KCNQ5: variants seen among roughly 807,000 people sequenced by gnomAD.
KCNQ5 encodes the protein potassium voltage-gated channel subfamily Q member 5.
In KCNQ5, 30 loss-of-function variants were observed where a neutral mutation model predicts 98.2. The ratio of observed to expected loss-of-function variants is 0.31; its 90% CI spans 0.23 to 0.41. The LOEUF is 0.41. KCNQ5 is among the 10% of genes least tolerant of loss of function. The pLI is 1.00. For missense variants in KCNQ5, 835 were observed against 1,182.5 expected, an observed-to-expected ratio of 0.71 and a Z score of 4.31; for synonymous variants, 458 against 449.4, an observed-to-expected ratio of 1.02 and a Z score of -0.24.
chr6:72,791,358 A>G (rs1314768138), intron 1 of KCNQ5, among the ~76,000 whole-genome samples: 1 of 152,186 alleles, frequency 6.6e-6, no homozygotes, highest in East Asian at 1.9e-4. Flanking sequence ...AGAAATCAGG[A>G]TAGGTAAATT....
chr6:73,170,702 G>C (rs1237293490), intron 11 of KCNQ5, among the ~76,000 whole-genome samples: 1 of 151,950 alleles, frequency 6.6e-6, no homozygotes, highest in Non-Finnish European at 1.5e-5. Flanking sequence ...CGGAGGCTGA[G>C]GGGGGCAGAT....
intron 1 of KCNQ5, among the ~76,000 whole-genome samples, chr6:72,733,569 A>AT (rs1770663895): frequency 6.6e-6 from 1 of 152,232 alleles, no homozygotes; most frequent in African/African-American, 2.4e-5. Flanking sequence ...AAAGCCATAC[A>AT]AAGGTGAGAG....
chr6:72,917,857 T>C (rs920683102), intron 1 of KCNQ5, among the ~76,000 whole-genome samples: 5 of 152,066 alleles, frequency 3.3e-5, no homozygotes, highest in African/African-American at 1.2e-4. Flanking sequence ...CACTCCACCC[T>C]TCAAGTTACT....
At chr6:73,010,475 G>A (rs1467479680) in intron 2 of KCNQ5, among the ~76,000 whole-genome samples, 1 of 151,894 alleles carries the variant, frequency 6.6e-6, no homozygotes, top group Non-Finnish European at 1.5e-5. Context: ...GTCTGTGTTT[G>A]CCATCCCTAT....
At chr6:73,055,870 A>C in intron 3 of KCNQ5, 1 of 638,164 alleles carries the variant, frequency 1.6e-6, no homozygotes, top group South Asian at 1.5e-5. Flanking sequence ...GCCAGCAAAC[A>C]GGCACCCTCC....
At chr6:73,163,583 C>T (rs1777691377) in intron 10 of KCNQ5, among the ~76,000 whole-genome samples, 1 of 152,038 alleles carries the variant, frequency 6.6e-6, no homozygotes, top group South Asian at 2.1e-4. Flanking sequence ...CCCGTCTCTA[C>T]TAAAAATACA....
chr6:72,709,892 A>C (rs1224858322), intron 1 of KCNQ5, among the ~76,000 whole-genome samples: 1 of 152,342 alleles, frequency 6.6e-6, no homozygotes, highest in Non-Finnish European at 1.5e-5. Flanking sequence ...TGAACCCATG[A>C]ATCTTACATT....
chr6:72,897,046 A>T (rs977990257), intron 1 of KCNQ5, among the ~76,000 whole-genome samples: 1 of 152,070 alleles, frequency 6.6e-6, no homozygotes, highest in African/African-American at 2.4e-5. Flanking sequence ...TCCGAGCAAC[A>T]TGAAAAGCAA....
chr6:73,063,211 CGT>C (rs1554203529), intron 3 of KCNQ5, among the ~76,000 whole-genome samples: 2 of 152,016 alleles, frequency 1.3e-5, no homozygotes, highest in Non-Finnish European at 2.9e-5. Flanking sequence ...TTAAACAGAG[CGT>C]GTCTTATTCA....
In KCNQ5 at chr6:72,679,725, AT is replaced by A. The variant is rs573476639; in HGVS notation, c.398+57139del. Among the ~76,000 whole-genome samples the A allele has an allele frequency of 6.8e-4, 102 of 149,706 alleles. 1 individual carries two copies. The highest frequency in any genetic ancestry group is 2.4e-3 in the African/African-American group (98 of 40,706). On this transcript the variant is annotated intron_variant, in intron 1 of 13. Coordinates refer to ENST00000370398, the MANE Select transcript of KCNQ5 (RefSeq NM_019842.4). ...GCACCCTAAAACTTAAAGTATAATA[AT>A]AATAAAATAAAAATAATAAAGTATG...
At chr6:72,780,640 G>C (rs1430334519) in intron 1 of KCNQ5, among the ~76,000 whole-genome samples, 1 of 152,172 alleles carries the variant, frequency 6.6e-6, no homozygotes, top group African/African-American at 2.4e-5. Flanking sequence ...AGGAGTGGAA[G>C]ACTTGGGGGG....
chr6:72,715,509 G>A (rs1310187192), intron 1 of KCNQ5, among the ~76,000 whole-genome samples: 3 of 152,160 alleles, frequency 2.0e-5, no homozygotes, highest in Admixed American at 6.6e-5. Context: ...ACAAGATCAC[G>A]AAGCACAGGG....
intron 2 of KCNQ5, among the ~76,000 whole-genome samples, chr6:73,033,347 A>G (rs16883215): frequency 0.31 from 47,080 of 152,078 alleles, 8,217 homozygotes; most frequent in East Asian, 0.56. Context: ...TTGCCTCCCT[A>G]TGATCTTCTG....
chr6:72,954,872 G>T lies in KCNQ5; in HGVS notation c.399-49036G>T, dbSNP rs377316023. 4.5e-3 allele frequency among the ~76,000 whole-genome samples: 686 copies of T among 152,282 alleles called. 6 individuals are homozygous for T. The highest frequency in any genetic ancestry group is 0.012 in the South Asian group (57 of 4,826). On this transcript the variant is annotated intron_variant, in intron 1 of 13. Transcript: ENST00000370398. ...CTCACTGTTGAACGTGATGGAATCT[G>T]GGGGCCATGGCCCTCGTGTGTATGT...
At chr6:73,158,685 TA>T (rs66465505) in intron 10 of KCNQ5, among the ~76,000 whole-genome samples, 15,213 of 152,208 alleles carry the variant, frequency 0.1, 997 homozygotes, top group East Asian at 0.25. Flanking sequence ...AAATGAAGTA[TA>T]AATAATTTAT....
intron 11 of KCNQ5, among the ~76,000 whole-genome samples, chr6:73,179,873 G>A (rs2150513251): frequency 6.6e-6 from 1 of 152,282 alleles, no homozygotes; most frequent in South Asian, 2.1e-4. Context: ...TTAACTGTCT[G>A]CCTACTTGTC....
At position 72,931,316 on chromosome 6, in the gene KCNQ5, T is replaced by C. The variant is rs117414349; in HGVS notation, c.399-72592T>C. On this transcript the variant is annotated intron_variant, in intron 1 of 13. Coordinates refer to ENST00000370398, the MANE Select transcript of KCNQ5 (RefSeq NM_019842.4). ...ATATAGTATGATAATAAATTACTAC[T>C]AGAATACCTCATATGAAAACTTATA... 2.7e-3 allele frequency among the ~76,000 whole-genome samples: 407 copies of C among 152,308 alleles called. 4 individuals are homozygous for C. The highest frequency in any genetic ancestry group is 0.02 in the East Asian group (104 of 5,186).
intron 1 of KCNQ5, among the ~76,000 whole-genome samples, chr6:72,811,686 G>T (rs1329495024): frequency 1.3e-5 from 2 of 152,176 alleles, no homozygotes; most frequent in African/African-American, 4.8e-5. Context: ...TTAAGAGCCT[G>T]TGGAGGCCAA....
intron 1 of KCNQ5, among the ~76,000 whole-genome samples, chr6:72,792,419 A>G (rs189186870): frequency 8.7e-4 from 133 of 152,336 alleles, no homozygotes; most frequent in African/African-American, 3.1e-3. Flanking sequence ...TTTGGAATCA[A>G]TATTTTCATA....
Sources: allele counts gnomAD v4.1 joint callset (sites outside exome capture counted in the v4.1 genomes callset), GRCh38; gene constraint gnomAD v4.1.1; transcripts MANE v1.5; gene names NCBI Gene and HGNC (gene_info 2026-07-23, HGNC 2026-07-21).